Variants in ABTB2 observed in about 807,000 individuals in gnomAD.
ABTB2 encodes the protein ankyrin repeat and BTB domain containing 2.
Under a neutral mutation model 104.1 loss-of-function variants are expected in ABTB2, and 56 were observed. The observed-to-expected ratio is 0.54, with a 90% CI of 0.43 to 0.67. ABTB2 has a LOEUF of 0.67. Among genes scored for constraint, ABTB2 ranks in the 30% least tolerant of loss-of-function variants. The pLI, the probability that ABTB2 is intolerant of heterozygous loss-of-function variation, is 0.00. For synonymous variants in ABTB2, 606 were observed against 608.2 expected (o/e 1.00, Z 0.05); for missense variants, 1,279 against 1,407.7 (o/e 0.91, Z 1.46).
intron 3 of ABTB2, among the ~76,000 whole-genome samples, chr11:34,193,779 G>A (rs1192558275): frequency 6.6e-6 from 1 of 152,252 alleles, no homozygotes; most frequent in Non-Finnish European, 1.5e-5. Context: ...CTGCCCCAAA[G>A]CCTGTACTGT....
At position 34,357,300 on chromosome 11, in the gene ABTB2, T is replaced by C. The variant is rs1388648110; in HGVS notation, c.284A>G (p.Glu95Gly). The change falls in exon 1 of 17, where the codon GAG becomes GGG. Residue 95 changes from glutamate (E) to glycine (G), a missense_variant. Physicochemically the swap from Glu to Gly is moderately conservative, Grantham distance 98 (BLOSUM62 -2). Transcript: ENST00000435224. ...FSRCPRLPEL[E>G]EFPWTEGDVA... is the part of the protein sequence containing the mutation. ...GTCTCCTTCGGTCCAGGGGAACTCCTCCAGCTCGGGGAGCCGCGGACAGCG... is the reference window on the plus strand; with the variant it reads ...GTCTCCTTCGGTCCAGGGGAACTCCCCCAGCTCGGGGAGCCGCGGACAGCG... 4.6e-6 allele frequency: 7 copies of C among 1,511,198 alleles called. No homozygotes were observed. The highest frequency in any genetic ancestry group is 1.4e-5 in the African/African-American group (1 of 71,770). The allele number at this position is 1,511,198 out of a possible 1,614,324, so 93.6% of individuals were successfully genotyped here. A position where few individuals can be genotyped will look rare whatever the true frequency, so the allele number is the denominator to read the frequency against.
chr11:34,295,411 G>T (rs1854610211), intron 1 of ABTB2, among the ~76,000 whole-genome samples: 1 of 152,108 alleles, frequency 6.6e-6, no homozygotes, highest in African/African-American at 2.4e-5. Flanking sequence ...TGCTCTGTTT[G>T]GGAAAGGTAA....
At chr11:34,343,859 A>G (rs2133125003) in intron 1 of ABTB2, among the ~76,000 whole-genome samples, 1 of 152,314 alleles carries the variant, frequency 6.6e-6, no homozygotes, top group South Asian at 2.1e-4. Flanking sequence ...ATCAGCTAGG[A>G]ACTATGGCAA....
chr11:34,251,186 A>G (rs528931180), intron 1 of ABTB2, among the ~76,000 whole-genome samples: 9 of 152,164 alleles, frequency 5.9e-5, no homozygotes, highest in Non-Finnish European at 1.2e-4. Context: ...CTCCTCCCAT[A>G]TTCTGTGACA....
At chr11:34,201,412 G>A (rs1853336815) in intron 2 of ABTB2, among the ~76,000 whole-genome samples, 1 of 152,094 alleles carries the variant, frequency 6.6e-6, no homozygotes, top group South Asian at 2.1e-4. Context: ...AGAACATCTG[G>A]CTCCCTTCAA....
intron 5 of ABTB2, among the ~76,000 whole-genome samples, chr11:34,169,847 C>G (rs1283277743): frequency 6.6e-6 from 1 of 152,190 alleles, no homozygotes; most frequent in Non-Finnish European, 1.5e-5. Context: ...TGCCCTCCCC[C>G]AGGCTCGGCT....
intron 1 of ABTB2, among the ~76,000 whole-genome samples, chr11:34,258,500 A>G (rs1854150063): frequency 6.6e-6 from 1 of 152,130 alleles, no homozygotes; most frequent in East Asian, 1.9e-4. Context: ...TTTTGGTGCC[A>G]TCTATCAAAT....
At chr11:34,315,941 G>T (rs753077315) in intron 1 of ABTB2, among the ~76,000 whole-genome samples, 1 of 152,100 alleles carries the variant, frequency 6.6e-6, no homozygotes, top group Admixed American at 6.6e-5. Context: ...GAGCTTATGC[G>T]GCAATTTCTA....
chr11:34,219,179 G>T (rs746301487), intron 1 of ABTB2, among the ~76,000 whole-genome samples: 4 of 152,184 alleles, frequency 2.6e-5, no homozygotes, highest in African/African-American at 4.8e-5. Flanking sequence ...AGTAGGAATA[G>T]TCATGTGCTG....
chr11:34,192,285 C>G (rs890240017), intron 3 of ABTB2, among the ~76,000 whole-genome samples: 6 of 152,080 alleles, frequency 3.9e-5, no homozygotes, highest in African/African-American at 1.2e-4. Context: ...AGAGCAAGAC[C>G]CTGTTTCCAA....
chr11:34,212,906 C>T (rs938719202), intron 1 of ABTB2, among the ~76,000 whole-genome samples: 47 of 152,138 alleles, frequency 3.1e-4, no homozygotes, highest in Non-Finnish European at 1.5e-5. Flanking sequence ...AAGAAGCTGG[C>T]GGCCACAGAA....
Position 34,347,461 on chromosome 11 carries a change from A to C in ABTB2, c.883+9240T>G, listed in dbSNP as rs567310525. ...AAAAAAATAATAATAAAAATAAAGA[A>C]AGAAAGGAAACTGTGGGCCTCAAGT... On this transcript the variant is annotated intron_variant, in intron 1 of 16. Transcript: ENST00000435224. 9.2e-5 allele frequency among the ~76,000 whole-genome samples: 14 copies of C among 152,234 alleles called. No homozygotes were observed. The South Asian group carries it at 2.9e-3, about 32-fold the overall frequency.
At chr11:34,163,067 G>A (rs866468203) in intron 9 of ABTB2, among the ~76,000 whole-genome samples, 1 of 152,216 alleles carries the variant, frequency 6.6e-6, no homozygotes, top group Non-Finnish European at 1.5e-5. Flanking sequence ...CTTCGGGGCT[G>A]AGCGAGCTCT....
intron 1 of ABTB2, among the ~76,000 whole-genome samples, chr11:34,317,761 C>A (rs866488004): frequency 1.4e-3 from 181 of 125,558 alleles, no homozygotes; most frequent in Middle Eastern, 4.3e-3. Flanking sequence ...AATCCTGTCT[C>A]AAAAAAAAAA....
intron 1 of ABTB2, among the ~76,000 whole-genome samples, chr11:34,291,421 G>T (rs1854564239): frequency 1.3e-5 from 2 of 152,226 alleles, no homozygotes; most frequent in Non-Finnish European, 2.9e-5. Flanking sequence ...AGATCACAGA[G>T]TAGAACAGAG....
intron 4 of ABTB2, among the ~76,000 whole-genome samples, chr11:34,171,772 T>C (rs1040268077): frequency 2.6e-5 from 4 of 152,010 alleles, no homozygotes; most frequent in Non-Finnish European, 5.9e-5. Context: ...CTATAAACGG[T>C]CACCATGGCC....
intron 1 of ABTB2, among the ~76,000 whole-genome samples, chr11:34,310,428 T>G (rs571105657): frequency 6.6e-6 from 1 of 152,122 alleles, no homozygotes; most frequent in African/African-American, 2.4e-5. Context: ...CACTGCTGCT[T>G]CTCTCTACCG....
chr11:34,300,539 G>C (rs763644804), intron 1 of ABTB2, among the ~76,000 whole-genome samples: 1 of 152,146 alleles, frequency 6.6e-6, no homozygotes, highest in African/African-American at 2.4e-5. Context: ...TTTGTTTGAC[G>C]ATCTACAGCA....
chr11:34,335,941 A>G (rs1855189019), intron 1 of ABTB2: 3 of 648,600 alleles, frequency 4.6e-6, no homozygotes, highest in Non-Finnish European at 2.8e-6. Context: ...CGTTTTAACT[A>G]AAGAGTAAAA....
Sources: allele counts gnomAD v4.1 joint callset (sites outside exome capture counted in the v4.1 genomes callset), GRCh38; gene constraint gnomAD v4.1.1; transcripts MANE v1.5; gene names NCBI Gene and HGNC (gene_info 2026-07-23, HGNC 2026-07-21).